Variants in SPATA17 observed in about 807,000 individuals in gnomAD.
The protein encoded by SPATA17 is spermatogenesis associated 17.
Under a neutral mutation model 62.2 loss-of-function variants are expected in SPATA17, and 53 were observed. That is an observed-to-expected ratio of 0.85 (90% CI 0.68 to 1.07). SPATA17 has a LOEUF of 1.07. Ranked by LOEUF, SPATA17 falls within the 50% of genes least tolerant of loss-of-function variation. The pLI is 0.00. For synonymous variants in SPATA17, 146 were observed against 146.8 expected, an observed-to-expected ratio of 0.99 and a Z score of 0.04; for missense variants, 466 against 425.5, an observed-to-expected ratio of 1.10 and a Z score of -0.84.
chr1:217,665,477 T>C (rs1311239494), intron 3 of SPATA17: 1 of 152,206 alleles, frequency 6.6e-6, no homozygotes, highest in African/African-American at 2.4e-5. Flanking sequence ...ATGAAGACTG[T>C]AGGTTGTTCA....
chr1:217,676,079 A>C (rs991906970), intron 4 of SPATA17, among the ~76,000 whole-genome samples: 5 of 152,184 alleles, frequency 3.3e-5, no homozygotes, highest in African/African-American at 1.2e-4. Flanking sequence ...AGTGACAATT[A>C]ACTAAGGAGT....
chr1:217,657,962 G>A (rs1357671789), intron 3 of SPATA17, among the ~76,000 whole-genome samples: 1 of 152,122 alleles, frequency 6.6e-6, no homozygotes, highest in African/African-American at 2.4e-5. Context: ...ATGAGCAAAA[G>A]GAGGAAAAGC....
chr1:217,742,230 C>G, intron 6 of SPATA17, 132 bp downstream of exon 6: 1 of 1,250,530 alleles, frequency 8.0e-7, no homozygotes, highest in Non-Finnish European at 1.1e-6. Flanking sequence ...AGTTCAATTT[C>G]GTGCTTCTGT....
chr1:217,848,592 C>A (rs868263997), intron 9 of SPATA17, among the ~76,000 whole-genome samples: 2 of 152,098 alleles, frequency 1.3e-5, no homozygotes, highest in South Asian at 2.1e-4. Flanking sequence ...TTTCTCCACA[C>A]CCTGTAAAAA....
At chr1:217,765,033 A>G (rs1323610691) in intron 6 of SPATA17, among the ~76,000 whole-genome samples, 1 of 152,102 alleles carries the variant, frequency 6.6e-6, no homozygotes, top group Non-Finnish European at 1.5e-5. Flanking sequence ...CATTTCTTCT[A>G]GGTTATCAAA....
chr1:217,775,399 G>A (rs1673561102), intron 7 of SPATA17, among the ~76,000 whole-genome samples: 1 of 152,030 alleles, frequency 6.6e-6, no homozygotes, highest in Non-Finnish European at 1.5e-5. Context: ...CTCTGTTACA[G>A]TGTCTTGCTT....
chr1:217,810,937 TG>T (rs1674571494), intron 9 of SPATA17, among the ~76,000 whole-genome samples: 1 of 152,056 alleles, frequency 6.6e-6, no homozygotes, highest in Non-Finnish European at 1.5e-5. Flanking sequence ...CCTTGACACA[TG>T]GGGATTAAAA....
rs527238744 is a variant in SPATA17, at chr1:217,759,796, G to T, written c.520-14538G>T. Among the ~76,000 whole-genome samples, 3 of 152,230 alleles carry T rather than the reference G, an allele frequency of 2.0e-5. No homozygotes were observed. The East Asian group carries it at 5.8e-4, about 29-fold the overall frequency. The stretch of plus-strand genomic sequence containing the variant: ...AGTATACCAAAGAATAGTTAAAAGA[G>T]AGATATTATTAATTAATTTGGCAGA... On this transcript the variant is annotated intron_variant, in intron 6 of 10. Coordinates refer to ENST00000366933, the MANE Select transcript of SPATA17 (RefSeq NM_138796.4).
At chr1:217,815,541 G>A (rs796846295) in intron 9 of SPATA17, among the ~76,000 whole-genome samples, 5 of 152,222 alleles carry the variant, frequency 3.3e-5, no homozygotes, top group African/African-American at 9.6e-5. Context: ...AATGTGATGG[G>A]TAGTTTTATG....
chr1:217,774,676 A>G (rs1477467521), intron 7 of SPATA17, 139 bp downstream of exon 7: 3 of 700,572 alleles, frequency 4.3e-6, no homozygotes, highest in Admixed American at 2.8e-5. Flanking sequence ...TTTTTGTGCA[A>G]TCAGCTGTCG....
At chr1:217,792,527 T>G (rs1475788384) in intron 8 of SPATA17, among the ~76,000 whole-genome samples, 1 of 152,156 alleles carries the variant, frequency 6.6e-6, no homozygotes, top group Non-Finnish European at 1.5e-5. Context: ...ATCTTTAGCT[T>G]TCACTTAGTT....
At chr1:217,790,942 T>C (rs1382607433) in intron 8 of SPATA17, among the ~76,000 whole-genome samples, 1 of 152,142 alleles carries the variant, frequency 6.6e-6, no homozygotes, top group Non-Finnish European at 1.5e-5. Flanking sequence ...TCTCAAAACT[T>C]TTTTGACTTG....
intron 3 of SPATA17, among the ~76,000 whole-genome samples, chr1:217,668,465 G>C (rs188637869): frequency 6.6e-6 from 1 of 152,090 alleles, no homozygotes; most frequent in African/African-American, 2.4e-5. Context: ...GTGTTAAAAT[G>C]AATATTAAAT....
At chr1:217,783,041 A>G (rs1180285016) in intron 8 of SPATA17, among the ~76,000 whole-genome samples, 1 of 151,146 alleles carries the variant, frequency 6.6e-6, no homozygotes, top group Non-Finnish European at 1.5e-5. Context: ...TATTATTTAT[A>G]TGCTAAGTAA....
At chr1:217,777,227 C>CT (rs899486726) in intron 7 of SPATA17, among the ~76,000 whole-genome samples, 3 of 151,256 alleles carry the variant, frequency 2.0e-5, no homozygotes, top group Non-Finnish European at 4.4e-5. Context: ...TTATTTGTAT[C>CT]TTTTTTTTTA....
rs971106325 is a variant in SPATA17 at position 217,868,352 on chromosome 1, G to C, written c.*1333G>C. The C allele has an allele frequency of 1.3e-5, 2 of 152,220 alleles. No individual in the cohort carries two copies. Among genetic ancestry groups the C allele is most frequent in the South Asian group, 4.1e-4 (2 of 4,822 alleles). 9.4% of individuals were successfully genotyped at this position (152,220 alleles called of 1,614,324 possible). On this transcript the variant is annotated 3_prime_UTR_variant, in exon 11 of 11. Coordinates refer to ENST00000366933, the MANE Select transcript of SPATA17 (RefSeq NM_138796.4). ...ACATATACTCCTCCTCTTATAATCGGTTATGTGCCAATAAATCCATTGTAA... is the reference window on the plus strand; with the variant it reads ...ACATATACTCCTCCTCTTATAATCGCTTATGTGCCAATAAATCCATTGTAA...
intron 4 of SPATA17, among the ~76,000 whole-genome samples, chr1:217,673,178 G>C (rs1480037793): frequency 6.6e-6 from 1 of 152,072 alleles, no homozygotes; most frequent in Non-Finnish European, 1.5e-5. Flanking sequence ...GTAAAATTTA[G>C]TTTGTGCAGT....
intron 7 of SPATA17, among the ~76,000 whole-genome samples, chr1:217,776,905 A>G (rs1056222396): frequency 2.0e-5 from 3 of 152,094 alleles, no homozygotes; most frequent in African/African-American, 7.2e-5. Context: ...AGAGAGAGAG[A>G]CAGCTTTCAA....
At chr1:217,747,501 T>C (rs1174928242) in intron 6 of SPATA17, among the ~76,000 whole-genome samples, 2 of 152,166 alleles carry the variant, frequency 1.3e-5, no homozygotes, top group Admixed American at 1.3e-4. Flanking sequence ...AGATCCAAAT[T>C]ATAAAAGGTT....
Sources: allele counts gnomAD v4.1 joint callset (sites outside exome capture counted in the v4.1 genomes callset), GRCh38; gene constraint gnomAD v4.1.1; transcripts MANE v1.5; gene names NCBI Gene and HGNC (gene_info 2026-07-23, HGNC 2026-07-21).